Variants in SP110 observed in about 807,000 individuals in gnomAD.
SP110 encodes the protein SP110 nuclear body protein, also known as interferon-induced protein 41, 30kD.
A neutral mutation model predicts 92.7 loss-of-function variants in SP110; 62 were observed. That is an observed-to-expected ratio of 0.67 (90% CI 0.55 to 0.83). The LOEUF (loss-of-function observed/expected upper bound fraction) is 0.83, where lower values mean the gene tolerates loss of function less well. Ranked by LOEUF, SP110 falls within the 40% of genes least tolerant of loss-of-function variation. SP110 has a pLI of 0.00. For missense variants in SP110, 793 were observed against 863.9 expected (o/e 0.92, Z 1.03); for synonymous variants, 273 against 305.3 (o/e 0.89, Z 1.10).
In SP110 at chr2:230,211,696, GA is replaced by G; in HGVS notation, c.668-144del. The G allele has an allele frequency of 5.9e-6, 4 of 676,474 alleles. No homozygotes were observed. The highest frequency in any genetic ancestry group is 1.1e-5 in the Non-Finnish European group (4 of 371,810). 41.9% of individuals were successfully genotyped at this position (676,474 alleles called of 1,614,324 possible). A position where few individuals can be genotyped will look rare whatever the true frequency, so the allele number is the denominator to read the frequency against. On this transcript the variant is annotated intron_variant, in intron 5 of 18. Transcript: ENST00000258381. This position sits in a 1 kb window ranked among gnomAD's most constrained non-coding sequence, Gnocchi z 4.2. ...CCTGGGAAAGGATGGCATAGAGTGGGAAAGTAAGCAACCATTCACTCTCAAT... is the reference window on the plus strand; with the variant it reads ...CCTGGGAAAGGATGGCATAGAGTGGGAAGTAAGCAACCATTCACTCTCAAT...
At chr2:230,177,180 A>AG (rs929102760) in intron 14 of SP110, among the ~76,000 whole-genome samples, 3 of 152,162 alleles carry the variant, frequency 2.0e-5, no homozygotes, top group African/African-American at 7.2e-5. Context: ...GAAATGCTGC[A>AG]GGGGGGCCAG....
At chr2:230,217,245 CAAAAAAAAAA>C in intron 1 of SP110, among the ~76,000 whole-genome samples, 1 of 79,802 alleles carries the variant, frequency 1.3e-5, no homozygotes, top group South Asian at 4.7e-4. Flanking sequence ...GACTCCATCT[CAAAAAAAAAA>C]AAAAAAAAAA....
rs754452211 is a variant in SP110 at position 230,178,241 on chromosome 2, C to CA, written c.1362dup (p.Asp455Ter). 25 of 1,610,964 alleles carry CA rather than the reference C, an allele frequency of 1.6e-5. No individual in the cohort carries two copies. The highest frequency in any genetic ancestry group is 2.0e-5 in the Non-Finnish European group (23 of 1,177,336). Reference sequence around the variant, plus strand: ...TTAGAACAGTGAAAATCCACAGTGTCACTTTTGGGTTTTCCTTAAAGTAGA... The same window carrying CA: ...TTAGAACAGTGAAAATCCACAGTGTCAACTTTTGGGTTTTCCTTAAAGTAGA... On this transcript the variant is annotated frameshift_variant, in exon 13 of 19. Coordinates refer to ENST00000258381, the MANE Select transcript of SP110 (RefSeq NM_080424.4). LOFTEE classifies it high-confidence loss of function.
intron 15 of SP110, chr2:230,172,383 T>C: frequency 1.6e-6 from 1 of 619,840 alleles, no homozygotes; most frequent in Non-Finnish European, 2.9e-6. Context: ...CTGAGGAAGG[T>C]GGTGTCACTG....
intron 6 of SP110, among the ~76,000 whole-genome samples, chr2:230,210,670 A>G (rs915297670): frequency 2.0e-5 from 3 of 152,214 alleles, no homozygotes; most frequent in Admixed American, 6.5e-5. Flanking sequence ...TTTGCTGCAC[A>G]AAGAAAGACA....
intron 18 of SP110, among the ~76,000 whole-genome samples, chr2:230,170,373 G>A (rs1574584830): frequency 2.0e-5 from 3 of 151,996 alleles, no homozygotes; most frequent in East Asian, 1.9e-4. Flanking sequence ...GCGAGCTGCC[G>A]ATCTGGGAAC....
intron 7 of SP110, among the ~76,000 whole-genome samples, chr2:230,208,944 G>A (rs2044170991): frequency 6.6e-6 from 1 of 152,186 alleles, no homozygotes; most frequent in African/African-American, 2.4e-5. Flanking sequence ...AAGCTGGGAA[G>A]CAAAGAAAAG....
chr2:230,185,636 A>T (rs2042321703), intron 11 of SP110, among the ~76,000 whole-genome samples: 1 of 152,242 alleles, frequency 6.6e-6, no homozygotes, highest in South Asian at 2.1e-4. Context: ...ACAATCCTGC[A>T]AATGTGTCCA....
rs1455140944 is a variant in SP110 at position 230,192,135 on chromosome 2, C to T, written c.1130-5992G>A. 2.0e-5 allele frequency among the ~76,000 whole-genome samples: 3 copies of T among 151,952 alleles called. No individual in the cohort carries two copies. The East Asian group carries it at 5.8e-4, about 29-fold the overall frequency. The stretch of plus-strand genomic sequence containing the variant: ...AACTAGGTATTGATGGAACATATCT[C>T]AAAATAATAAGAGCTATTTATGACA... On this transcript the variant is annotated intron_variant, in intron 10 of 18. Coordinates refer to ENST00000258381, the MANE Select transcript of SP110 (RefSeq NM_080424.4).
upstream of SP110, chr2:230,221,722 C>A (rs1559191259): frequency 6.5e-7 from 1 of 1,535,984 alleles, no homozygotes; most frequent in East Asian, 2.4e-5. Context: ...CCCTCCCCAT[C>A]ACCTGGAAAG....
intron 8 of SP110, among the ~76,000 whole-genome samples, chr2:230,205,652 C>A (rs2043698480): frequency 6.6e-6 from 1 of 152,086 alleles, no homozygotes; most frequent in African/African-American, 2.4e-5. Flanking sequence ...TTAGTGCTCA[C>A]TGCATATTTG....
chr2:230,170,871 A>G, intron 17 of SP110, 110 bp from the exon 18 acceptor site: 4 of 1,134,498 alleles, frequency 3.5e-6, no homozygotes, highest in African/African-American at 1.5e-5. Context: ...TGATAATACC[A>G]TTTGACCTCT....
intron 2 of SP110, 144 bp from the exon 3 acceptor site, chr2:230,215,262 G>A: frequency 1.5e-6 from 1 of 688,458 alleles, no homozygotes; most frequent in South Asian, 1.8e-5. Flanking sequence ...CATTCTCTAA[G>A]GTAGAGCGGT....
intron 10 of SP110, among the ~76,000 whole-genome samples, chr2:230,194,430 T>C (rs1417315650): frequency 6.6e-6 from 1 of 150,804 alleles, no homozygotes; most frequent in Non-Finnish European, 1.5e-5. Flanking sequence ...CAAGACCTGG[T>C]CTATACAAAA....
upstream of SP110, chr2:230,220,190 G>A: frequency 2.2e-6 from 1 of 464,942 alleles, no homozygotes. Flanking sequence ...CAGAGAGGGA[G>A]GTATGGGAGG....
intron 6 of SP110, 86 bp from the exon 7 acceptor site, chr2:230,210,094 T>A: frequency 2.4e-6 from 2 of 846,122 alleles, no homozygotes; most frequent in Non-Finnish European, 4.1e-6. Context: ...ACTAGAAAAG[T>A]AGAAAGTACA....
At chr2:230,219,638 C>G (rs903466236) in intron 1 of SP110, 1 of 152,206 alleles carries the variant, frequency 6.6e-6, no homozygotes, top group Non-Finnish European at 1.5e-5. Context: ...GGGTAGAGGG[C>G]AAATCTCGGC....
At position 230,165,463 on chromosome 2, in the gene SP110, T is replaced by C. The variant is rs9288658; in HGVS notation, c.*3661A>G. ...CAGGTTATCACGTAACACACACTTT[T>C]AATTTTTGCTTTTGAATTACTTTAT... is the stretch of plus-strand genomic sequence containing the variant. On this transcript the variant is annotated 3_prime_UTR_variant, in exon 19 of 19. Transcript: ENST00000258381. Among the ~76,000 whole-genome samples the C allele has an allele frequency of 0.66, 100,757 of 152,114 alleles. 33,791 individuals carry two copies. Among genetic ancestry groups the C allele is most frequent in the Middle Eastern group, 0.73 (214 of 294 alleles).
intron 14 of SP110, among the ~76,000 whole-genome samples, chr2:230,175,473 G>A (rs1331210619): frequency 3.3e-5 from 5 of 152,166 alleles, no homozygotes; most frequent in Admixed American, 1.3e-4. Flanking sequence ...CTATTATGAT[G>A]TTACACTGAG....
Sources: gnomAD v4.1 joint callset for allele counts (sites outside exome capture counted in the v4.1 genomes callset) on GRCh38, gnomAD v4.1.1 for gene constraint, Gnocchi (gnomAD v3.1) non-coding constraint, MANE v1.5 for transcripts, NCBI Gene and HGNC (gene_info 2026-07-23, HGNC 2026-07-21) for gene names.